The following AMMECR1L variants were observed in gnomAD, a reference collection of about 807,000 sequenced individuals.
AMMECR1L encodes the protein AMMECR1 like, also known as AMMECR1-like protein.
In AMMECR1L, 4 loss-of-function variants were observed where a neutral mutation model predicts 36.8. The ratio of observed to expected loss-of-function variants is 0.11; its 90% CI spans 0.05 to 0.25. The LOEUF is 0.25. Among genes scored for constraint, AMMECR1L ranks in the 10% least tolerant of loss-of-function variants. AMMECR1L has a pLI of 1.00. For missense variants in AMMECR1L, 232 were observed against 392.1 expected (o/e 0.59, Z 3.45); for synonymous variants, 147 against 148.0 (o/e 0.99, Z 0.05).
chr2:127,862,520 CGACCGTGACCGTACACTTCTA>C lies in AMMECR1L; in HGVS notation c.*2553_*2573del, dbSNP rs1377609845. The C allele has an allele frequency of 6.5e-6, 1 of 153,590 alleles. No homozygotes were observed. The allele number at this position is 153,590 out of a possible 1,614,324, so 9.5% of individuals were successfully genotyped here. A position where few individuals can be genotyped will look rare whatever the true frequency, so the allele number is the denominator to read the frequency against. On this transcript the variant is annotated 3_prime_UTR_variant, in exon 8 of 8. Transcript: ENST00000272647. Reference sequence around the variant, plus strand: ...CCACCTGCTACACACTTTCATGAGGCGACCGTGACCGTACACTTCTAGACCGCTTCCTGACTAGGCCCCGTT... The same window carrying C: ...CCACCTGCTACACACTTTCATGAGGCGACCGCTTCCTGACTAGGCCCCGTT...
Position 127,869,577 on chromosome 2 carries a change from T to C in AMMECR1L, c.634-33A>G. ...AAAAAGTACAACCAAGTAAATGGCA[T>C]TTACTTACTCTAATGGAACTTCAGT... On this transcript the variant is annotated intron_variant, in intron 5 of 7. Transcript: ENST00000272647. This position sits in a 1 kb window ranked among gnomAD's most constrained non-coding sequence, Gnocchi z 4.7. 1 of 1,547,302 alleles carries C rather than the reference T, an allele frequency of 6.5e-7. No homozygotes were observed. Among genetic ancestry groups the C allele is most frequent in the Non-Finnish European group, 8.9e-7 (1 of 1,119,212 alleles).
In AMMECR1L at chr2:127,864,830, C is replaced by A; in HGVS notation, c.*264G>T. The A allele has an allele frequency of 3.6e-6, 1 of 275,574 alleles. No homozygotes were observed. Among genetic ancestry groups the A allele is most frequent in the Non-Finnish European group, 6.9e-6 (1 of 144,584 alleles). The allele number at this position is 275,574 out of a possible 1,614,324, so 17.1% of individuals were successfully genotyped here. A position where few individuals can be genotyped will look rare whatever the true frequency, so the allele number is the denominator to read the frequency against. On this transcript the variant is annotated 3_prime_UTR_variant, in exon 8 of 8. Coordinates refer to ENST00000272647, the MANE Select transcript of AMMECR1L (RefSeq NM_001199140.2). ...GGGTCTTCTGAACCCACAGTAATTC[C>A]CACTAGTCATGGAGGAGCCCCAATC...
intron 7 of AMMECR1L, 67 bp downstream of exon 7, chr2:127,866,833 A>G (rs1416375622): frequency 3.0e-5 from 43 of 1,434,426 alleles, no homozygotes; most frequent in Non-Finnish European, 3.9e-5. Context: ...TCTCCATCCC[A>G]TCAAAATTAT....
In AMMECR1L at chr2:127,866,997, C is replaced by A; in HGVS notation, c.725-1G>T. Reference sequence around the variant, plus strand: ...TCTATTGTCTGGATCTGATCCCAGTCTGGGGAGGAGAAAGGCCACACTGAG... The same window carrying A: ...TCTATTGTCTGGATCTGATCCCAGTATGGGGAGGAGAAAGGCCACACTGAG... On this transcript the variant is annotated splice_acceptor_variant, in intron 6 of 7. Transcript: ENST00000272647. LOFTEE classifies it high-confidence loss of function. 6.2e-7 allele frequency: 1 copy of A among 1,614,152 alleles called. No individual in the cohort carries two copies. The highest frequency in any genetic ancestry group is 1.1e-5 in the South Asian group (1 of 91,074).
At chr2:127,884,358 A>G (rs58450498) in intron 1 of AMMECR1L, 46 bp from the exon 2 acceptor site, 1 of 149,450 alleles carries the variant, frequency 6.7e-6, no homozygotes, top group African/African-American at 2.5e-5. Flanking sequence ...CAGGTAGTGC[A>G]GAGGTAAGAT....
At chr2:127,868,648 C>T (rs1037026805) in intron 6 of AMMECR1L, among the ~76,000 whole-genome samples, 5 of 152,096 alleles carry the variant, frequency 3.3e-5, no homozygotes, top group East Asian at 1.9e-4. Flanking sequence ...AGGTACCCTT[C>T]TAGATATTCT....
chr2:127,885,117 C>T, intron 1 of AMMECR1L: 1 of 983,452 alleles, frequency 1.0e-6, no homozygotes. Flanking sequence ...CCCAGCGTGT[C>T]AGGTGGACGG....
chr2:127,875,002 C>T (rs1244774162), intron 2 of AMMECR1L, among the ~76,000 whole-genome samples: 1 of 152,166 alleles, frequency 6.6e-6, no homozygotes, highest in Non-Finnish European at 1.5e-5. Flanking sequence ...CATGAATGAC[C>T]CAAGCTTCAC....
chr2:127,875,653 A>G (rs1691197190), intron 2 of AMMECR1L, among the ~76,000 whole-genome samples: 1 of 152,238 alleles, frequency 6.6e-6, no homozygotes, highest in African/African-American at 2.4e-5. Context: ...ATGCTGATCC[A>G]TAACAAAATA....
chr2:127,862,788 G>GT lies in AMMECR1L; in HGVS notation c.*2305_*2306insA, dbSNP rs1690521473. ...CTAACCAGCCCAATTCTTGTGCACT[G>GT]ATTTTTTTTTCCCCATTTCTCGGGT... On this transcript the variant is annotated 3_prime_UTR_variant, in exon 8 of 8. Coordinates refer to ENST00000272647, the MANE Select transcript of AMMECR1L (RefSeq NM_001199140.2). 2 of 138,930 alleles carry GT rather than the reference G, an allele frequency of 1.4e-5. No homozygotes were observed. Among genetic ancestry groups the GT allele is most frequent in the Non-Finnish European group, 3.3e-5 (2 of 61,400 alleles). The allele number at this position is 138,930 out of a possible 1,614,324, so 8.6% of individuals were successfully genotyped here. A position where few individuals can be genotyped will look rare whatever the true frequency, so the allele number is the denominator to read the frequency against.
intron 7 of AMMECR1L, among the ~76,000 whole-genome samples, chr2:127,866,241 C>T (rs983620448): frequency 1.3e-5 from 2 of 152,166 alleles, no homozygotes; most frequent in African/African-American, 4.8e-5. Flanking sequence ...CTCCTGATCA[C>T]CTACAATGTT....
At chr2:127,879,340 G>T (rs1361364162) in intron 2 of AMMECR1L, among the ~76,000 whole-genome samples, 2 of 152,026 alleles carry the variant, frequency 1.3e-5, no homozygotes, top group Non-Finnish European at 2.9e-5. Flanking sequence ...CAAGATCTGG[G>T]CATTTAAAAG....
At position 127,874,482 on chromosome 2, in the gene AMMECR1L, A is replaced by G. The variant is rs1691135321; in HGVS notation, c.-38-210T>C. Among the ~76,000 whole-genome samples the G allele has an allele frequency of 6.6e-6, 1 of 152,118 alleles. No individual in the cohort carries two copies. Among genetic ancestry groups the G allele is most frequent in the African/African-American group, 2.4e-5 (1 of 41,422 alleles). On this transcript the variant is annotated intron_variant, in intron 2 of 7. Transcript: ENST00000272647. The surrounding 1 kb of genome is among the most constrained non-coding windows in gnomAD (Gnocchi z 5.2). ...TCCATAAAATTTCCAGATGACTACC[A>G]TGGATGGAGGCAGGCACCAAGCAGC...
At chr2:127,885,711 C>T in intron 1 of AMMECR1L, 99 bp downstream of exon 1, 1 of 979,982 alleles carries the variant, frequency 1.0e-6, no homozygotes, top group South Asian at 4.7e-5. Context: ...CCGCCGCCCG[C>T]CCCGGCGAGA....
intron 2 of AMMECR1L, among the ~76,000 whole-genome samples, chr2:127,878,818 C>G (rs1226339696): frequency 1.3e-5 from 2 of 152,340 alleles, no homozygotes; most frequent in South Asian, 2.1e-4. Flanking sequence ...ACCAATTCAA[C>G]TGATAGTCTC....
At position 127,862,023 on chromosome 2, in the gene AMMECR1L, G is replaced by T. The variant is rs1294604471; in HGVS notation, c.*3071C>A. ...GTTGAAAGGGTCTCTAACATGAGTT[G>T]TTTTATTATTATGAAGCAAAAAAGT... On this transcript the variant is annotated 3_prime_UTR_variant, in exon 8 of 8. Transcript: ENST00000272647. The T allele has an allele frequency of 6.6e-6, 1 of 152,508 alleles. No individual in the cohort carries two copies. Among genetic ancestry groups the T allele is most frequent in the East Asian group, 1.9e-4 (1 of 5,190 alleles). 9.4% of individuals were successfully genotyped at this position (152,508 alleles called of 1,614,324 possible).
Position 127,873,818 on chromosome 2 carries a change from A to T in AMMECR1L, c.407+10T>A. 6.2e-7 allele frequency: 1 copy of T among 1,613,790 alleles called. No individual in the cohort carries two copies. Among genetic ancestry groups the T allele is most frequent in the Non-Finnish European group, 8.5e-7 (1 of 1,180,000 alleles). ...CCTTCCTCAGTGCCCCCAGCACATG[A>T]TTTACTCACTAGGGGTCATTGGTGA... On this transcript the variant is annotated intron_variant, in intron 3 of 7. Transcript: ENST00000272647. The surrounding 1 kb of genome is among the most constrained non-coding windows in gnomAD (Gnocchi z 5.2).
rs1690940250 is a variant in AMMECR1L at position 127,871,025 on chromosome 2, C to A, written c.519-97G>T. ...ACATATTTATGAATCTTGAGCTATG[C>A]AGAGAGTATCTATTGTTCATCAACA... On this transcript the variant is annotated intron_variant, in intron 4 of 7. Transcript: ENST00000272647. This position sits in a 1 kb window ranked among gnomAD's most constrained non-coding sequence, Gnocchi z 4.3. 1.0e-6 allele frequency: 1 copy of A among 998,860 alleles called. No individual in the cohort carries two copies. The highest frequency in any genetic ancestry group is 1.6e-5 in the African/African-American group (1 of 61,412). The allele number at this position is 998,860 out of a possible 1,614,324, so 61.9% of individuals were successfully genotyped here.
At chr2:127,872,921 C>T in intron 3 of AMMECR1L, 1 of 913,408 alleles carries the variant, frequency 1.1e-6, no homozygotes, top group Non-Finnish European at 1.3e-6. Flanking sequence ...TCCAGGTTTC[C>T]TCTCCTCTGA....
Sources: allele counts gnomAD v4.1 joint callset (sites outside exome capture counted in the v4.1 genomes callset), GRCh38; gene constraint gnomAD v4.1.1; non-coding constraint Gnocchi (gnomAD v3.1); transcripts MANE v1.5; gene names NCBI Gene and HGNC (gene_info 2026-07-23, HGNC 2026-07-21).